The following VGLL3 variants were observed in gnomAD, a reference collection of about 807,000 sequenced individuals.
VGLL3 encodes the protein vestigial like family member 3.
In VGLL3, 18 loss-of-function variants were observed where a neutral mutation model predicts 29.2. The observed-to-expected ratio is 0.62, with a 90% CI of 0.43 to 0.91. VGLL3 has a LOEUF of 0.91. Among genes scored for constraint, VGLL3 ranks in the 40% least tolerant of loss-of-function variants. The pLI is 0.00. For missense variants in VGLL3, 440 were observed against 413.2 expected (o/e 1.06, Z -0.56); for synonymous variants, 180 against 151.8 (o/e 1.19, Z -1.36).
chr3:86,977,225 GGAGAA>G (rs1705227408), intron 2 of VGLL3, among the ~76,000 whole-genome samples: 1 of 151,934 alleles, frequency 6.6e-6, no homozygotes, highest in Non-Finnish European at 1.5e-5. Flanking sequence ...GGAGAGGAGA[GGAGAA>G]GAGGCAAACA....
At chr3:86,984,109 G>T (rs1331631457) in intron 1 of VGLL3, among the ~76,000 whole-genome samples, 2 of 152,176 alleles carry the variant, frequency 1.3e-5, no homozygotes, top group African/African-American at 4.8e-5. Context: ...AAAAGTTAGA[G>T]ATTAAACAAT....
At position 86,968,724 on chromosome 3, in the gene VGLL3, T is replaced by G. The variant is rs995318895; in HGVS notation, c.803A>C (p.His268Pro). The change falls in exon 3 of 4, where the codon CAT (histidine) becomes CCT (proline). Residue 268 changes from histidine to proline, a missense_variant. By Grantham distance (77) the His-to-Pro change is moderately conservative. Transcript: ENST00000398399. ...CTGGGGAGCAGGAATCCTGGCCGCATGCACTGAAGGCATCAGCAGAGGCCC... is the reference window on the plus strand; with the variant it reads ...CTGGGGAGCAGGAATCCTGGCCGCAGGCACTGAAGGCATCAGCAGAGGCCC... The part of the protein sequence containing the change: ...SYGPLLMPSV[H>P]AARIPAPQCD... 2 of 1,614,158 alleles carry G rather than the reference T, an allele frequency of 1.2e-6. No homozygotes were observed. The highest frequency in any genetic ancestry group is 2.7e-5 in the African/African-American group (2 of 75,036).
In VGLL3 at chr3:86,949,589, A is replaced by G. The variant is rs183225236; in HGVS notation, c.938-2522T>C. Among the ~76,000 whole-genome samples, 1,057 of 152,082 alleles carry G rather than the reference A, an allele frequency of 7.0e-3. 15 individuals carry two copies. The highest frequency in any genetic ancestry group is 0.021 in the African/African-American group (879 of 41,480). On this transcript the variant is annotated intron_variant, in intron 3 of 3. Transcript: ENST00000398399. ...TGTCTGTAATCTCAGCACTTTGGGA[A>G]GCCGAGGCGGGCGGATCACGAGGTC...
At chr3:86,979,650 C>G (rs1366459392) in intron 1 of VGLL3, among the ~76,000 whole-genome samples, 1 of 152,044 alleles carries the variant, frequency 6.6e-6, no homozygotes, top group Non-Finnish European at 1.5e-5. Context: ...GCTATTAATA[C>G]TATCCATATT....
rs947789927 is a variant in VGLL3, at chr3:86,943,381, G to C, written c.*3643C>G. ...TATAAATACAACATTAAACCAGATA[G>C]CAAACTCAAAAGCTAGATAGGGTGA... On this transcript the variant is annotated 3_prime_UTR_variant, in exon 4 of 4. Coordinates refer to ENST00000398399, the MANE Select transcript of VGLL3 (RefSeq NM_016206.4). The C allele has an allele frequency of 6.6e-6, 1 of 152,130 alleles. No homozygotes were observed. The highest frequency in any genetic ancestry group is 6.5e-5 in the Admixed American group (1 of 15,272). 9.4% of individuals were successfully genotyped at this position (152,130 alleles called of 1,614,324 possible).
intron 2 of VGLL3, among the ~76,000 whole-genome samples, chr3:86,972,887 C>T (rs1411651855): frequency 6.6e-6 from 1 of 151,150 alleles, no homozygotes; most frequent in Admixed American, 6.6e-5. Context: ...CATACATACA[C>T]ACGAGTTTAT....
chr3:86,978,532 A>G lies in VGLL3; in HGVS notation c.397T>C (p.Trp133Arg), dbSNP rs1173753920. The change falls in exon 2 of 4, where the codon TGG becomes CGG. Residue 133 changes from tryptophan to arginine, a missense_variant. Trp to Arg is a moderately radical substitution (Grantham distance 101, BLOSUM62 -3). Transcript: ENST00000398399. Reference protein sequence around the residue: ...SKSKMGLTPLWRDSSALSSQR... With the variant: ...SKSKMGLTPLRRDSSALSSQR... Reference sequence around the variant, plus strand: ...TCTGCTTTTGAATTCTTACCTCGCCATAGGGGGGTTAGCCCCATCTTGCTT... The same window carrying G: ...TCTGCTTTTGAATTCTTACCTCGCCGTAGGGGGGTTAGCCCCATCTTGCTT... 3.1e-6 allele frequency: 5 copies of G among 1,614,106 alleles called. No individual in the cohort carries two copies. Among genetic ancestry groups the G allele is most frequent in the Non-Finnish European group, 4.2e-6 (5 of 1,179,982 alleles).
intron 2 of VGLL3, among the ~76,000 whole-genome samples, chr3:86,972,354 T>C (rs912187146): frequency 6.6e-6 from 1 of 152,204 alleles, no homozygotes; most frequent in African/African-American, 2.4e-5. Context: ...GAGATGAATA[T>C]AAAGTTTGCA....
At chr3:86,957,531 CA>C (rs1417106257) in intron 3 of VGLL3, among the ~76,000 whole-genome samples, 13 of 152,296 alleles carry the variant, frequency 8.5e-5, no homozygotes, top group African/African-American at 3.1e-4. Flanking sequence ...CCAGCTGTGT[CA>C]GGGGAGGAAG....
intron 3 of VGLL3, among the ~76,000 whole-genome samples, chr3:86,955,063 A>T (rs1318176618): frequency 6.6e-6 from 1 of 152,144 alleles, no homozygotes; most frequent in African/African-American, 2.4e-5. Flanking sequence ...TACAGTCCAG[A>T]AAACAGATAA....
chr3:86,979,150 A>C (rs2107051481), intron 1 of VGLL3, among the ~76,000 whole-genome samples: 1 of 152,302 alleles, frequency 6.6e-6, no homozygotes, highest in African/African-American at 2.4e-5. Context: ...TTTTTTAAAA[A>C]GTTTTTCTTC....
At chr3:86,972,432 A>G (rs995335430) in intron 2 of VGLL3, among the ~76,000 whole-genome samples, 13 of 152,356 alleles carry the variant, frequency 8.5e-5, no homozygotes, top group African/African-American at 3.1e-4. Flanking sequence ...AGTTGAAAAT[A>G]TGTTTATGAA....
intron 2 of VGLL3, among the ~76,000 whole-genome samples, chr3:86,977,203 G>GA (rs911517425): frequency 1.3e-5 from 2 of 149,520 alleles, no homozygotes; most frequent in South Asian, 4.3e-4. Context: ...AAGAAGCAAA[G>GA]AAAAAAAAGA....
intron 1 of VGLL3, among the ~76,000 whole-genome samples, chr3:86,980,751 T>A (rs752964902): frequency 3.7e-4 from 57 of 152,190 alleles, no homozygotes; most frequent in Non-Finnish European, 6.9e-4. Flanking sequence ...TTCGGGTGCA[T>A]GTGTATTTAC....
chr3:86,950,580 T>C (rs1425835551), intron 3 of VGLL3, among the ~76,000 whole-genome samples: 4 of 152,170 alleles, frequency 2.6e-5, no homozygotes, highest in Non-Finnish European at 5.9e-5. Flanking sequence ...ATTATACTCC[T>C]TTTTGCACTG....
At chr3:86,966,043 T>A (rs572198646) in intron 3 of VGLL3, among the ~76,000 whole-genome samples, 1 of 152,272 alleles carries the variant, frequency 6.6e-6, no homozygotes, top group East Asian at 1.9e-4. Context: ...TTTAGCAGAA[T>A]AAAATGACCA....
In VGLL3 at chr3:86,978,665, A is replaced by G. The variant is rs1229469082; in HGVS notation, c.264T>C (p.Cys88=). The G allele has an allele frequency of 1.2e-6, 2 of 1,614,136 alleles. No homozygotes were observed. Among genetic ancestry groups the G allele is most frequent in the Admixed American group, 1.7e-5 (1 of 60,020 alleles). The change falls in exon 2 of 4, where the codon TGT becomes TGC. Residue 88 remains cysteine (C), a synonymous_variant. Transcript: ENST00000398399. The part of the protein sequence containing the change: ...PAEMEYLNSR[C]VLFTYFQGDI... ...CTCCCTGGAAATAAGTGAAAAGGAC[A>G]CAGCGAGAGTTAAGGTACTCCATCT... is the stretch of plus-strand genomic sequence containing the variant.
chr3:86,989,249 T>G (rs143019817), intron 1 of VGLL3, among the ~76,000 whole-genome samples: 1 of 152,198 alleles, frequency 6.6e-6, no homozygotes, highest in Non-Finnish European at 1.5e-5. Context: ...TCATCCACAT[T>G]CCAAATGATA....
In VGLL3 at chr3:86,962,578, A is replaced by G. The variant is rs1287865642; in HGVS notation, c.937+6012T>C. On this transcript the variant is annotated intron_variant, in intron 3 of 3. Transcript: ENST00000398399. ...TTAAAAAACAAAAATTTAAATTTAAATATTTTAAAAATTGCATATATATGC... is the reference window on the plus strand; with the variant it reads ...TTAAAAAACAAAAATTTAAATTTAAGTATTTTAAAAATTGCATATATATGC... The G allele has an allele frequency of 1.7e-5, 16 of 966,930 alleles. No homozygotes were observed. The South Asian group carries it at 7.2e-4, about 43-fold the overall frequency. The allele number at this position is 966,930 out of a possible 1,614,324, so 59.9% of individuals were successfully genotyped here. A position where few individuals can be genotyped will look rare whatever the true frequency, so the allele number is the denominator to read the frequency against.
Sources: allele counts gnomAD v4.1 joint callset (sites outside exome capture counted in the v4.1 genomes callset), GRCh38; gene constraint gnomAD v4.1.1; transcripts MANE v1.5; gene names NCBI Gene and HGNC (gene_info 2026-07-23, HGNC 2026-07-21).